Variants in SGCD observed in about 807,000 individuals in gnomAD.
The protein encoded by SGCD is delta-sarcoglycan.
SGCD carries 18 observed loss-of-function variants against 36.6 expected under a neutral mutation model. That is an observed-to-expected ratio of 0.49 (90% CI 0.34 to 0.73). The LOEUF is 0.73. Among genes scored for constraint, SGCD ranks in the 30% least tolerant of loss-of-function variants. SGCD has a pLI of 0.01. For missense variants in SGCD, 387 were observed against 346.7 expected (o/e 1.12, Z -0.92); for synonymous variants, 133 against 130.6 (o/e 1.02, Z -0.12).
chr5:155,759,000 T>C, the SGCD span, among the ~76,000 whole-genome samples: 1 of 149,518 alleles, frequency 6.7e-6, no homozygotes, highest in Non-Finnish European at 1.5e-5. Context: ...GTTTTTATGA[T>C]TTTTTTTATT....
the SGCD span, among the ~76,000 whole-genome samples, chr5:155,858,400 A>G: frequency 6.6e-6 from 1 of 152,206 alleles, no homozygotes; most frequent in East Asian, 1.9e-4. Context: ...AGTTATGTCA[A>G]TTATCACTCA....
At chr5:155,821,328 T>A in the SGCD span, among the ~76,000 whole-genome samples, 1 of 152,132 alleles carries the variant, frequency 6.6e-6, no homozygotes, top group East Asian at 1.9e-4. Context: ...TTTTTCCTTC[T>A]TGAGACGGAG....
rs1427196486 is a variant in SGCD, at chr5:156,767,476, G to A, written c.*8086G>A. The A allele has an allele frequency of 2.3e-5, 3 of 132,892 alleles. No individual in the cohort carries two copies. The highest frequency in any genetic ancestry group is 8.7e-5 in the African/African-American group (3 of 34,574). 8.2% of individuals were successfully genotyped at this position (132,892 alleles called of 1,614,324 possible). ...AGGTCATGGAAGTCCCATTTGCTTG[G>A]AGATTTTGAAAAAAAAAAAAAAAAA... On this transcript the variant is annotated 3_prime_UTR_variant, in exon 9 of 9. Coordinates refer to ENST00000337851, the MANE Select transcript of SGCD (RefSeq NM_000337.6).
intron 7 of SGCD, among the ~76,000 whole-genome samples, chr5:156,742,232 G>T (rs1756717615): frequency 6.6e-6 from 1 of 151,996 alleles, no homozygotes; most frequent in Admixed American, 6.6e-5. Context: ...CAGCGATACG[G>T]AAATACTCCA....
rs549835856 is a variant in SGCD, at chr5:156,737,283, TG to T, written c.576-20295del. Among the ~76,000 whole-genome samples the T allele has an allele frequency of 3.9e-3, 587 of 151,494 alleles. 1 individual carries two copies. Among genetic ancestry groups the T allele is most frequent in the Non-Finnish European group, 7.1e-3 (486 of 68,024 alleles). ...AGTTTTCAGGTAACATTTAAAAGCATGGGTTCTAGTGATAGAGTTGCAGTGG... is the reference window on the plus strand; with the variant it reads ...AGTTTTCAGGTAACATTTAAAAGCATGGTTCTAGTGATAGAGTTGCAGTGG... On this transcript the variant is annotated intron_variant, in intron 7 of 8. Coordinates refer to ENST00000337851, the MANE Select transcript of SGCD (RefSeq NM_000337.6).
chr5:155,851,113 A>T, the SGCD span, among the ~76,000 whole-genome samples: 1 of 152,204 alleles, frequency 6.6e-6, no homozygotes, highest in South Asian at 2.1e-4. Context: ...TTTCTGAGAA[A>T]TTTAATCTAC....
chr5:156,178,491 A>C (rs1763523698), intron 3 of SGCD, among the ~76,000 whole-genome samples: 1 of 152,218 alleles, frequency 6.6e-6, no homozygotes, highest in Non-Finnish European at 1.5e-5. Flanking sequence ...GAGTCTTTAT[A>C]CATATGCATC....
At chr5:156,626,857 G>T (rs1322726024) in intron 6 of SGCD, among the ~76,000 whole-genome samples, 2 of 152,048 alleles carry the variant, frequency 1.3e-5, no homozygotes, top group Non-Finnish European at 2.9e-5. Context: ...CTCTTCTTGG[G>T]GCAAAGGATA....
chr5:156,454,463 G>A (rs910389952), intron 3 of SGCD, among the ~76,000 whole-genome samples: 1 of 152,112 alleles, frequency 6.6e-6, no homozygotes, highest in Non-Finnish European at 1.5e-5. Context: ...CCCAAGATTT[G>A]GATTTATACT....
rs183389200 is a variant in SGCD at position 156,033,567 on chromosome 5, G to A, written c.-281-84311G>A. 5.9e-4 allele frequency among the ~76,000 whole-genome samples: 90 copies of A among 152,334 alleles called. 1 individual carries two copies. The highest frequency in any genetic ancestry group is 2.1e-3 in the African/African-American group (87 of 41,576). On this transcript the variant is annotated intron_variant, in intron 1 of 9. Transcript: ENST00000517913. ...CATGGATGAATTCTTAACCTGAAGT[G>A]TAGACCTTGAATTTGAATTTGTTGG...
the SGCD span, among the ~76,000 whole-genome samples, chr5:155,811,648 C>T: frequency 2.6e-5 from 4 of 152,056 alleles, no homozygotes; most frequent in Non-Finnish European, 4.4e-5. Flanking sequence ...CGCAATGCAA[C>T]GGGGCTCTCT....
chr5:156,351,388 A>T (rs1048892199), intron 3 of SGCD, among the ~76,000 whole-genome samples: 7 of 152,068 alleles, frequency 4.6e-5, no homozygotes, highest in African/African-American at 1.7e-4. Context: ...CAGGGCTCAA[A>T]CTCTGGAGAC....
intron 5 of SGCD, among the ~76,000 whole-genome samples, chr5:156,591,536 G>A (rs1760722536): frequency 6.6e-6 from 1 of 152,166 alleles, no homozygotes; most frequent in South Asian, 2.1e-4. Context: ...CTAGTGTTAA[G>A]AGAGTTGGGA....
At chr5:155,751,218 A>G in the SGCD span, among the ~76,000 whole-genome samples, 1 of 152,190 alleles carries the variant, frequency 6.6e-6, no homozygotes, top group Admixed American at 6.5e-5. Flanking sequence ...TAGGGGCATG[A>G]GTGGCAAAAG....
chr5:156,179,336 A>G (rs1179029961), intron 3 of SGCD, among the ~76,000 whole-genome samples: 2 of 152,210 alleles, frequency 1.3e-5, no homozygotes, highest in Non-Finnish European at 2.9e-5. Flanking sequence ...ATGGCTATAT[A>G]AAATCCCATT....
At chr5:155,938,227 G>T (rs1388527714) in intron 1 of SGCD, among the ~76,000 whole-genome samples, 3 of 152,144 alleles carry the variant, frequency 2.0e-5, no homozygotes, top group Non-Finnish European at 2.9e-5. Flanking sequence ...AGCATTTGAT[G>T]GCAGCCCTGC....
At position 156,344,590 on chromosome 5, in the gene SGCD, G is replaced by T. The variant is rs193922392; in HGVS notation, c.105G>T (p.Leu35=). The change falls in exon 3 of 9, where the codon CTG becomes CTT. Residue 35 remains leucine (L), a synonymous_variant. Transcript: ENST00000337851. ...VGIYGWRKRC[L]YFFVLLLMIL... is the part of the protein sequence containing the mutation. ...TTTATGGCTGGCGGAAACGATGCCT[G>T]TATTTCTTTGTCCTGCTCCTCATGA... 47 of 1,612,362 alleles carry T rather than the reference G, an allele frequency of 2.9e-5. No individual in the cohort carries two copies. Among genetic ancestry groups the T allele is most frequent in the Non-Finnish European group, 3.6e-5 (43 of 1,179,212 alleles).
intron 4 of SGCD, among the ~76,000 whole-genome samples, chr5:156,580,439 A>C (rs1228387021): frequency 6.6e-6 from 1 of 152,084 alleles, no homozygotes; most frequent in African/African-American, 2.4e-5. Context: ...CTCTGTATTT[A>C]CTGAATTCTA....
At chr5:156,464,254 C>T (rs1754625595) in intron 3 of SGCD, among the ~76,000 whole-genome samples, 1 of 147,784 alleles carries the variant, frequency 6.8e-6, no homozygotes, top group East Asian at 2.0e-4. Flanking sequence ...AGAGTCTCAC[C>T]CTGTCACCCA....
Sources: allele counts gnomAD v4.1 joint callset (sites outside exome capture counted in the v4.1 genomes callset), GRCh38; gene constraint gnomAD v4.1.1; transcripts MANE v1.5; gene names NCBI Gene and HGNC (gene_info 2026-07-23, HGNC 2026-07-21).